The following DNAAF9 variants were observed in gnomAD, a reference collection of about 807,000 sequenced individuals.
DNAAF9 encodes shulin.
A neutral mutation model predicts 167.0 loss-of-function variants in DNAAF9; 90 were observed. The observed-to-expected ratio is 0.54, with a 90% confidence interval of 0.45 to 0.64. The LOEUF is 0.64. DNAAF9 is among the 30% of genes least tolerant of loss of function. The probability of loss-of-function intolerance (pLI) is 0.00; values close to 1 mark genes in which losing one functional copy is unlikely to be tolerated. For missense variants in DNAAF9, 1,315 were observed against 1,442.2 expected, an observed-to-expected ratio of 0.91 and a Z score of 1.43; for synonymous variants, 491 against 508.8, an observed-to-expected ratio of 0.96 and a Z score of 0.47.
intron 18 of DNAAF9, chr20:3,316,157 G>A (rs990681980): frequency 1.6e-5 from 4 of 256,216 alleles, no homozygotes; most frequent in South Asian, 5.9e-5. Flanking sequence ...GATAACTCTC[G>A]GTCTTCCCTG....
chr20:3,291,410 C>G (rs1166896632), intron 25 of DNAAF9, among the ~76,000 whole-genome samples: 1 of 147,714 alleles, frequency 6.8e-6, no homozygotes. Flanking sequence ...GTGGTGCAAT[C>G]TCGGCTCACT....
rs1376871054 is a variant in DNAAF9 at position 3,332,900 on chromosome 20, G to GTGC, written c.982-540_982-539insGCA. ...CATGCGTGTGTGCGTGTGTGCGTGT[G>GTGC]GTGTGTGTGTGTGTGTGTGTGTGTG... On this transcript the variant is annotated intron_variant, in intron 10 of 36. Coordinates refer to ENST00000252032, the MANE Select transcript of DNAAF9 (RefSeq NM_001009984.3). 3.4e-5 allele frequency among the ~76,000 whole-genome samples: 5 copies of GTGC among 146,840 alleles called. No homozygotes were observed. The East Asian group carries it at 1.0e-3, about 29-fold the overall frequency.
intron 6 of DNAAF9, among the ~76,000 whole-genome samples, chr20:3,364,651 A>G (rs1017485949): frequency 6.6e-6 from 1 of 152,248 alleles, no homozygotes; most frequent in African/African-American, 2.4e-5. Context: ...TTATGTTTAC[A>G]ACACACCATA....
In DNAAF9 at chr20:3,268,112, T is replaced by C. The variant is rs918729224; in HGVS notation, c.2786+2315A>G. On this transcript the variant is annotated intron_variant, in intron 30 of 36. Transcript: ENST00000252032. ...GGCATGATCTTGGCTCACTGCAACCTCCGCCTCCCAGGTTCAATCAATTCT... is the reference window on the plus strand; with the variant it reads ...GGCATGATCTTGGCTCACTGCAACCCCCGCCTCCCAGGTTCAATCAATTCT... 8.6e-5 allele frequency among the ~76,000 whole-genome samples: 13 copies of C among 150,616 alleles called. No individual in the cohort carries two copies. In the Admixed American group the frequency reaches 8.6e-4, roughly 10 times the overall value.
At chr20:3,318,421 GT>G in intron 16 of DNAAF9, 21 bp from the exon 17 acceptor site, 1 of 1,209,292 alleles carries the variant, frequency 8.3e-7, no homozygotes, top group Non-Finnish European at 1.2e-6. Context: ...TGAGAAACCA[GT>G]TAGATCAGTT....
At chr20:3,281,131 C>T (rs1335578581) in intron 28 of DNAAF9, among the ~76,000 whole-genome samples, 3 of 152,064 alleles carry the variant, frequency 2.0e-5, no homozygotes, top group Non-Finnish European at 2.9e-5. Flanking sequence ...CGGGTTCAAG[C>T]GATTTTCGTG....
At position 3,374,636 on chromosome 20, in the gene DNAAF9, G is replaced by A. The variant is rs142395775; in HGVS notation, c.505+394C>T. Among the ~76,000 whole-genome samples, 479 of 152,280 alleles carry A rather than the reference G, an allele frequency of 3.1e-3. 3 individuals are homozygous for A. Among genetic ancestry groups the A allele is most frequent in the African/African-American group, 0.011 (450 of 41,556 alleles). On this transcript the variant is annotated intron_variant, in intron 5 of 36. Coordinates refer to ENST00000252032, the MANE Select transcript of DNAAF9 (RefSeq NM_001009984.3). ...TTGCAATACAAGCACTGCTAAACTT[G>A]ATAGTTTTTCCCTGTATTTTACACA... is the stretch of plus-strand genomic sequence containing the variant.
intron 23 of DNAAF9, chr20:3,296,535 A>T (rs2069083130): frequency 3.2e-6 from 1 of 311,852 alleles, no homozygotes; most frequent in African/African-American, 2.1e-5. Context: ...GTGCCACCAT[A>T]CCCAGCTAAT....
intron 12 of DNAAF9, among the ~76,000 whole-genome samples, chr20:3,330,386 G>A (rs533402013): frequency 4.6e-5 from 7 of 151,770 alleles, no homozygotes; most frequent in Non-Finnish European, 1.0e-4. Context: ...GGGACCACAG[G>A]TGTGCACCAC....
chr20:3,334,866 G>A (rs6051753), intron 10 of DNAAF9, among the ~76,000 whole-genome samples: 29,313 of 152,098 alleles, frequency 0.19, 3,061 homozygotes, highest in African/African-American at 0.24. Flanking sequence ...AATGTGTTTC[G>A]GTTCAAACAT....
intron 1 of DNAAF9, among the ~76,000 whole-genome samples, chr20:3,401,744 C>A (rs1293307840): frequency 6.6e-6 from 1 of 152,122 alleles, no homozygotes; most frequent in Non-Finnish European, 1.5e-5. Flanking sequence ...ATAGTCCCAG[C>A]CCCCTGATAC....
Position 3,362,331 on chromosome 20 carries a change from C to G in DNAAF9, c.613-2738G>C, listed in dbSNP as rs987993605. The G allele has an allele frequency of 2.5e-5, 19 of 762,122 alleles. No individual in the cohort carries two copies. In the Admixed American group the frequency reaches 3.7e-4, roughly 15 times the overall value. 47.2% of individuals were successfully genotyped at this position (762,122 alleles called of 1,614,324 possible). ...AGCCTGTGGTGGCTGCCATCTTGCA[C>G]TGCTGTCGCTTGAAGCGGTTTATTA... On this transcript the variant is annotated intron_variant, in intron 6 of 36. Transcript: ENST00000252032.
intron 21 of DNAAF9, among the ~76,000 whole-genome samples, chr20:3,303,034 C>T (rs542016511): frequency 9.6e-4 from 146 of 152,122 alleles, no homozygotes; most frequent in African/African-American, 3.4e-3. Flanking sequence ...GTCAGGAGAT[C>T]GAGACTGTCC....
Position 3,343,857 on chromosome 20 carries a change from G to A in DNAAF9, c.790-126C>T. The A allele has an allele frequency of 1.2e-5, 8 of 641,588 alleles. No individual in the cohort carries two copies. The South Asian group carries it at 1.6e-4, about 13-fold the overall frequency. The allele number at this position is 641,588 out of a possible 1,614,324, so 39.7% of individuals were successfully genotyped here. On this transcript the variant is annotated intron_variant, in intron 8 of 36. Transcript: ENST00000252032. ...GTGCACAGCGTGTGTGTGTGTGTGT[G>A]TGCGTGTGTGCATGTGCGTGTGTGT...
chr20:3,271,021 T>C (rs6139056), intron 29 of DNAAF9, among the ~76,000 whole-genome samples: 37,904 of 151,732 alleles, frequency 0.25, 5,316 homozygotes, highest in African/African-American at 0.37. Context: ...CCATGTTGGC[T>C]AGGCTGGTCT....
chr20:3,274,998 G>A (rs1384512123), intron 29 of DNAAF9, among the ~76,000 whole-genome samples: 1 of 152,212 alleles, frequency 6.6e-6, no homozygotes, highest in Non-Finnish European at 1.5e-5. Context: ...ACTCTGCAGT[G>A]CACTCTGGAG....
intron 10 of DNAAF9, among the ~76,000 whole-genome samples, chr20:3,338,636 G>T (rs2070015489): frequency 6.7e-6 from 1 of 148,956 alleles, no homozygotes; most frequent in African/African-American, 2.5e-5. Flanking sequence ...ATTGTCCCAG[G>T]GTTCTTGGAT....
intron 27 of DNAAF9, 149 bp downstream of exon 27, chr20:3,287,483 C>T (rs2068871904): frequency 2.7e-6 from 2 of 753,182 alleles, no homozygotes; most frequent in Non-Finnish European, 4.6e-6. Context: ...GCAATAGGGT[C>T]ATTGCTCGCT....
At chr20:3,288,672 AGGATGCCTTACCTTGGG>A (rs149402454) in intron 26 of DNAAF9, among the ~76,000 whole-genome samples, 6,713 of 152,242 alleles carry the variant, frequency 0.044, 221 homozygotes, top group African/African-American at 0.094. Context: ...GGCCTCCTGC[AGGATGCCTTACCTTGGG>A]GTAGACTGAC....
Sources: allele counts gnomAD v4.1 joint callset (sites outside exome capture counted in the v4.1 genomes callset), GRCh38; gene constraint gnomAD v4.1.1; transcripts MANE v1.5; gene names NCBI Gene and HGNC (gene_info 2026-07-23, HGNC 2026-07-21).